SYT16: variants seen among roughly 807,000 people sequenced by gnomAD.
SYT16 encodes synaptotagmin 16.
A neutral mutation model predicts 61.4 loss-of-function variants in SYT16; 42 were observed. The ratio of observed to expected loss-of-function variants is 0.68; its 90% CI spans 0.53 to 0.89. The LOEUF (loss-of-function observed/expected upper bound fraction) is 0.89, where lower values mean the gene tolerates loss of function less well. Among genes scored for constraint, SYT16 ranks in the 40% least tolerant of loss-of-function variants. The pLI is 0.00. For synonymous variants in SYT16, 314 were observed against 302.3 expected (o/e 1.04, Z -0.40); for missense variants, 804 against 807.3 (o/e 1.00, Z 0.05).
chr14:61,822,611 C>T (rs533522658), intron 1 of SYT16, among the ~76,000 whole-genome samples: 4 of 152,162 alleles, frequency 2.6e-5, no homozygotes, highest in African/African-American at 7.2e-5. Context: ...GAAACAATGG[C>T]GCTGGAAGGG....
intron 1 of SYT16, among the ~76,000 whole-genome samples, chr14:61,915,581 T>C (rs1369234919): frequency 6.6e-6 from 1 of 152,180 alleles, no homozygotes; most frequent in Non-Finnish European, 1.5e-5. Context: ...TTTTTGAACA[T>C]GTGTGTGTAT....
At chr14:61,857,777 C>T (rs2046821706) in intron 1 of SYT16, among the ~76,000 whole-genome samples, 1 of 151,938 alleles carries the variant, frequency 6.6e-6, no homozygotes, top group South Asian at 2.1e-4. Flanking sequence ...GGTTGGAATC[C>T]AGTGCATAAA....
intron 3 of SYT16, among the ~76,000 whole-genome samples, chr14:62,019,275 T>C (rs999097533): frequency 6.6e-6 from 1 of 152,212 alleles, no homozygotes; most frequent in Non-Finnish European, 1.5e-5. Flanking sequence ...CTTAAAAGAA[T>C]TGGGGAATGT....
At chr14:62,075,042 T>C in intron 4 of SYT16, 93 bp from the exon 5 acceptor site, 1 of 1,385,622 alleles carries the variant, frequency 7.2e-7, no homozygotes, top group Non-Finnish European at 9.8e-7. Flanking sequence ...GTTTCTGCAA[T>C]CTTGATTGTT....
Position 62,084,255 on chromosome 14 carries a change from G to T in SYT16, c.1494G>T (p.Thr498=). The T allele has an allele frequency of 6.2e-7, 1 of 1,613,928 alleles. No homozygotes were observed. The highest frequency in any genetic ancestry group is 8.5e-7 in the Non-Finnish European group (1 of 1,179,874). Residue 498 remains threonine (T), a synonymous_variant, in exon 7 of 8, where the codon ACG becomes ACT. Coordinates refer to ENST00000683842, the MANE Select transcript of SYT16 (RefSeq NM_001367656.1). ...CTCACAGTGATAGTACTTCATCCAC[G>T]CAGTCGCTGTCTCATGGAGGGGCGC... The part of the protein sequence containing the change: ...AVSHSDSTSS[T]QSLSHGGAPE...
chr14:61,836,441 G>C (rs541580232), intron 1 of SYT16, among the ~76,000 whole-genome samples: 1 of 152,316 alleles, frequency 6.6e-6, no homozygotes, highest in Admixed American at 6.5e-5. Context: ...GGTTTGGAGG[G>C]ATAGGAGAAG....
intron 1 of SYT16, among the ~76,000 whole-genome samples, chr14:61,892,530 TCTC>T (rs988753077): frequency 6.6e-5 from 10 of 152,138 alleles, no homozygotes; most frequent in Non-Finnish European, 1.3e-4. Context: ...CAGGGCTGAC[TCTC>T]CTCCGTGGTG....
intron 3 of SYT16, among the ~76,000 whole-genome samples, chr14:62,056,309 C>G (rs181594630): frequency 6.6e-5 from 10 of 152,234 alleles, no homozygotes; most frequent in Non-Finnish European, 1.5e-4. Context: ...CGATTTGGTA[C>G]CACCCCTTTA....
intron 3 of SYT16, among the ~76,000 whole-genome samples, chr14:62,019,021 A>G (rs1401970650): frequency 6.6e-6 from 1 of 152,216 alleles, no homozygotes; most frequent in East Asian, 1.9e-4. Flanking sequence ...CAAACAGTTC[A>G]TTGTGACAGC....
chr14:61,921,398 G>A (rs2049330607), intron 1 of SYT16, among the ~76,000 whole-genome samples: 1 of 152,130 alleles, frequency 6.6e-6, no homozygotes, highest in Non-Finnish European at 1.5e-5. Flanking sequence ...ATCCTGCCAG[G>A]AGCCTTCTGT....
intron 6 of SYT16, among the ~76,000 whole-genome samples, chr14:62,082,363 C>G (rs1038630105): frequency 6.6e-6 from 1 of 152,120 alleles, no homozygotes; most frequent in Non-Finnish European, 1.5e-5. Context: ...AAATCTATTC[C>G]CCCTGCAGTC....
At chr14:62,052,267 T>A (rs887525757) in intron 3 of SYT16, among the ~76,000 whole-genome samples, 1 of 152,214 alleles carries the variant, frequency 6.6e-6, no homozygotes, top group African/African-American at 2.4e-5. Flanking sequence ...TGATATGTGA[T>A]GTGTTCATTA....
chr14:62,055,865 G>C (rs1473251961), intron 3 of SYT16, among the ~76,000 whole-genome samples: 1 of 152,150 alleles, frequency 6.6e-6, no homozygotes, highest in African/African-American at 2.4e-5. Context: ...GAGCAAGGAA[G>C]CCAGTCTGAG....
At chr14:61,887,833 T>C (rs574823148) in intron 1 of SYT16, among the ~76,000 whole-genome samples, 1 of 152,322 alleles carries the variant, frequency 6.6e-6, no homozygotes, top group African/African-American at 2.4e-5. Flanking sequence ...TCCAGACCAC[T>C]AAAACATTCT....
intron 2 of SYT16, among the ~76,000 whole-genome samples, chr14:61,993,394 C>T (rs534819648): frequency 4.4e-4 from 67 of 151,992 alleles, no homozygotes; most frequent in African/African-American, 1.6e-3. Flanking sequence ...CAAACCTGCA[C>T]GTCTGCACAT....
At chr14:62,042,249 C>G (rs542214900) in intron 3 of SYT16, among the ~76,000 whole-genome samples, 1 of 152,150 alleles carries the variant, frequency 6.6e-6, no homozygotes, top group South Asian at 2.1e-4. Flanking sequence ...GTGATCCTCC[C>G]ATGTCGGCCT....
At chr14:61,943,468 A>G (rs968984611) in intron 1 of SYT16, among the ~76,000 whole-genome samples, 4 of 152,258 alleles carry the variant, frequency 2.6e-5, no homozygotes, top group Admixed American at 2.6e-4. Flanking sequence ...ATGAACATTG[A>G]TGTGAAAATC....
intron 3 of SYT16, among the ~76,000 whole-genome samples, chr14:62,032,494 TTTTCTG>T (rs2054344513): frequency 6.6e-6 from 1 of 152,060 alleles, no homozygotes; most frequent in African/African-American, 2.4e-5. Context: ...CTTAGGATGG[TTTTCTG>T]TACCTAATAC....
chr14:61,825,119 A>T (rs1468375535), intron 1 of SYT16, among the ~76,000 whole-genome samples: 2 of 152,236 alleles, frequency 1.3e-5, no homozygotes, highest in Admixed American at 1.3e-4. Context: ...CTCCACTAGC[A>T]TCTTGAAAAA....
Sources: gnomAD v4.1 joint callset for allele counts (sites outside exome capture counted in the v4.1 genomes callset) on GRCh38, gnomAD v4.1.1 for gene constraint, MANE v1.5 for transcripts, NCBI Gene and HGNC (gene_info 2026-07-23, HGNC 2026-07-21) for gene names.